The following ZP1 variants were observed in gnomAD, a reference collection of about 807,000 sequenced individuals.
ZP1 encodes the protein zona pellucida glycoprotein 1.
ZP1 carries 58 observed loss-of-function variants against 67.4 expected under a neutral mutation model. That is an observed-to-expected ratio of 0.86 (90% CI 0.70 to 1.07). The LOEUF is 1.07. Ranked by LOEUF, ZP1 falls within the 50% of genes least tolerant of loss-of-function variation. The pLI, the probability that ZP1 is intolerant of heterozygous loss-of-function variation, is 0.00. For missense variants in ZP1, 759 were observed against 807.3 expected (o/e 0.94, Z 0.72); for synonymous variants, 333 against 332.7 (o/e 1.00, Z -0.01).
intron 9 of ZP1, among the ~76,000 whole-genome samples, chr11:60,874,554 C>A (rs930922590): frequency 1.3e-5 from 2 of 152,192 alleles, no homozygotes; most frequent in Non-Finnish European, 2.9e-5. Context: ...TTGCTGTCTC[C>A]CTCAGTAGGG....
intron 1 of ZP1, among the ~76,000 whole-genome samples, chr11:60,868,766 C>G (rs774651350): frequency 2.0e-5 from 3 of 152,172 alleles, no homozygotes; most frequent in Non-Finnish European, 4.4e-5. Flanking sequence ...AGAAAGCTCA[C>G]GCACCCTCCC....
chr11:60,874,842 G>C, intron 9 of ZP1, 91 bp from the exon 10 acceptor site: 2 of 1,267,210 alleles, frequency 1.6e-6, no homozygotes, highest in South Asian at 1.3e-5. Flanking sequence ...GCCTAGACTT[G>C]GCCCAGCTCG....
At chr11:60,872,421 C>A (rs1474990685) in intron 6 of ZP1, among the ~76,000 whole-genome samples, 1 of 152,120 alleles carries the variant, frequency 6.6e-6, no homozygotes, top group Admixed American at 6.5e-5. Context: ...GCCTTCAGAA[C>A]AGGGGTGAGC....
chr11:60,872,517 C>T (rs1855592804), intron 6 of ZP1, among the ~76,000 whole-genome samples: 1 of 152,312 alleles, frequency 6.6e-6, no homozygotes, highest in Admixed American at 6.5e-5. Flanking sequence ...GGAGGAGTGG[C>T]CACCATGGCC....
chr11:60,872,003 T>C (rs970030038), intron 6 of ZP1, among the ~76,000 whole-genome samples: 1 of 152,182 alleles, frequency 6.6e-6, no homozygotes, highest in Non-Finnish European at 1.5e-5. Flanking sequence ...GCTGGGCATC[T>C]CCTTCCCCTT....
Position 60,869,977 on chromosome 11 carries a change from T to C in ZP1, c.682+77T>C, listed in dbSNP as rs918315535. On this transcript the variant is annotated intron_variant, in intron 3 of 11. Transcript: ENST00000278853. ...ACAGGGTGGCCTAACAGCCTTTTAC[T>C]GGGCTCTAAGCCATTTCTTTTTTTG... The C allele has an allele frequency of 2.0e-6, 3 of 1,464,488 alleles. No individual in the cohort carries two copies. The African/African-American group carries it at 4.2e-5, about 21-fold the overall frequency. The allele number at this position is 1,464,488 out of a possible 1,614,324, so 90.7% of individuals were successfully genotyped here. A position where few individuals can be genotyped will look rare whatever the true frequency, so the allele number is the denominator to read the frequency against.
At chr11:60,874,829 G>A in intron 9 of ZP1, 104 bp from the exon 10 acceptor site, 1 of 1,073,492 alleles carries the variant, frequency 9.3e-7, no homozygotes, top group Non-Finnish European at 1.4e-6. Flanking sequence ...CTGGCTAGCA[G>A]CAGCCTAGAC....
Position 60,871,298 on chromosome 11 carries a change from C to G in ZP1, c.1096C>G (p.Arg366Gly), listed in dbSNP as rs751351771. ...AAAGGGGCCACAGGGTTCCATCACG[C>G]GGGACAGCACCTTCCAGTAAGGGCA... ...IQKGPQGSIT[R>G]DSTFQLHVRC... The change falls in exon 6 of 12, where the codon CGG (arginine) becomes GGG (glycine). Residue 366 changes from arginine (R) to glycine (G), a missense_variant. By Grantham distance (125) the Arg-to-Gly change is moderately radical (BLOSUM62 -2). Coordinates refer to ENST00000278853, the MANE Select transcript of ZP1 (RefSeq NM_207341.4). 1 of 1,613,746 alleles carries G rather than the reference C, an allele frequency of 6.2e-7. No individual in the cohort carries two copies. Among genetic ancestry groups the G allele is most frequent in the Non-Finnish European group, 8.5e-7 (1 of 1,180,032 alleles).
chr11:60,869,369 T>C, intron 2 of ZP1, 103 bp downstream of exon 2: 2 of 1,543,994 alleles, frequency 1.3e-6, no homozygotes, highest in Non-Finnish European at 1.7e-6. Flanking sequence ...GCCGAAGATC[T>C]GTTGAGCTGG....
chr11:60,869,178 G>A lies in ZP1; in HGVS notation c.230G>A (p.Cys77Tyr), dbSNP rs1279246156. 2.5e-6 allele frequency: 4 copies of A among 1,614,030 alleles called. No individual in the cohort carries two copies. The highest frequency in any genetic ancestry group is 1.3e-5 in the African/African-American group (1 of 74,930). Reference protein sequence around the residue: ...EFGNRFDVNNCSICYHWVTSR... With the variant: ...EFGNRFDVNNYSICYHWVTSR... Reference sequence around the variant, plus strand: ...GGGAACCGATTTGATGTCAACAACTGCTCCATCTGCTACCACTGGGTCACC... The same window carrying A: ...GGGAACCGATTTGATGTCAACAACTACTCCATCTGCTACCACTGGGTCACC... Residue 77 changes from cysteine (C) to tyrosine (Y), a missense_variant, in exon 2 of 12, where the codon TGC becomes TAC. Transcript: ENST00000278853.
chr11:60,872,882 C>G, intron 6 of ZP1, among the ~76,000 whole-genome samples: 1 of 152,278 alleles, frequency 6.6e-6, no homozygotes, highest in Non-Finnish European at 1.5e-5. Flanking sequence ...TGCCAGCCCC[C>G]CGAGGGCCCA....
At position 60,873,293 on chromosome 11, in the gene ZP1, T is replaced by C. The variant is rs775559304; in HGVS notation, c.1240+4T>C. On this transcript the variant is annotated splice_donor_region_variant and intron_variant, in intron 7 of 11. Transcript: ENST00000278853. ...CTTGAGCTGCGGATTGCCAAAGGTA[T>C]GCTATGCTATCCCTGCTCTCTTCTG... 5.1e-6 allele frequency: 8 copies of C among 1,582,980 alleles called. No homozygotes were observed. Among genetic ancestry groups the C allele is most frequent in the African/African-American group, 2.7e-5 (2 of 74,528 alleles).
rs750637109 is a variant in ZP1, at chr11:60,870,387, C to T, written c.738C>T (p.Ile246=). ...TGGCCTCAGGGCACCTCCCCTGCAT[C>T]GTGAGAAGAACTTCAAAAGAAGCCT... ...CQVASGHLPC[I]VRRTSKEACQ... The change falls in exon 4 of 12, where the codon ATC becomes ATT. Residue 246 remains isoleucine (I), a synonymous_variant. Coordinates refer to ENST00000278853, the MANE Select transcript of ZP1 (RefSeq NM_207341.4). 1.2e-6 allele frequency: 2 copies of T among 1,613,196 alleles called. No homozygotes were observed. Among genetic ancestry groups the T allele is most frequent in the Non-Finnish European group, 1.7e-6 (2 of 1,179,750 alleles).
At chr11:60,870,922 C>A in intron 4 of ZP1, 35 bp from the exon 5 acceptor site, 1 of 1,589,442 alleles carries the variant, frequency 6.3e-7, no homozygotes, top group Non-Finnish European at 8.6e-7. Context: ...TGGATGGACA[C>A]CAAACCCCAA....
rs1249047966 is a variant in ZP1, at chr11:60,874,836, AGACTTGGCCCAGCTCGGG to A, written c.1573-94_1573-77del. On this transcript the variant is annotated intron_variant, in intron 9 of 11. Coordinates refer to ENST00000278853, the MANE Select transcript of ZP1 (RefSeq NM_207341.4). Reference sequence around the variant, plus strand: ...CTCCCTGCCTGGCTAGCAGCAGCCTAGACTTGGCCCAGCTCGGGGATTCCATGTCCTTCCCTTTGTGCT... The same window carrying A: ...CTCCCTGCCTGGCTAGCAGCAGCCTAGATTCCATGTCCTTCCCTTTGTGCT... 1.4e-5 allele frequency: 16 copies of A among 1,184,130 alleles called. No individual in the cohort carries two copies. In the African/African-American group the frequency reaches 2.2e-4, roughly 17 times the overall value. 73.4% of individuals were successfully genotyped at this position (1,184,130 alleles called of 1,614,324 possible). A position where few individuals can be genotyped will look rare whatever the true frequency, so the allele number is the denominator to read the frequency against.
intron 9 of ZP1, 82 bp downstream of exon 9, chr11:60,873,857 G>A (rs1590595386): frequency 6.4e-7 from 1 of 1,569,834 alleles, no homozygotes; most frequent in Non-Finnish European, 8.7e-7. Flanking sequence ...GGCACCCTGT[G>A]AACTTATATG....
At chr11:60,870,256 G>T in intron 3 of ZP1, 76 bp from the exon 4 acceptor site, 1 of 1,375,840 alleles carries the variant, frequency 7.3e-7, no homozygotes, top group Non-Finnish European at 9.5e-7. Context: ...TCTGGAGCAG[G>T]TTCCCAAGAT....
rs1040748419 is a variant in ZP1 at position 60,869,143 on chromosome 11, A to C, written c.197-2A>C. The stretch of plus-strand genomic sequence containing the variant: ...CTGGCCCCTCCCCTTCCCCCACTGC[A>C]GATGAATTTGGGAACCGATTTGATG... On this transcript the variant is annotated splice_acceptor_variant, in intron 1 of 11. Transcript: ENST00000278853. LOFTEE classifies it high-confidence loss of function. 2 of 1,614,022 alleles carry C rather than the reference A, an allele frequency of 1.2e-6. No homozygotes were observed. Among genetic ancestry groups the C allele is most frequent in the African/African-American group, 2.7e-5 (2 of 74,912 alleles).
chr11:60,874,983 T>C lies in ZP1; in HGVS notation c.1623T>C (p.Thr541=). ...CCTGCCACACCTCAGGGCTGGAGACTTGCTCCACTGCATGTAGCACTGGCA... is the reference window on the plus strand; with the variant it reads ...CCTGCCACACCTCAGGGCTGGAGACCTGCTCCACTGCATGTAGCACTGGCA... The part of the protein sequence containing the change: ...TSACHTSGLE[T]CSTACSTGTT... Residue 541 remains threonine, a synonymous_variant, in exon 10 of 12, where the codon ACT becomes ACC. Coordinates refer to ENST00000278853, the MANE Select transcript of ZP1 (RefSeq NM_207341.4). 1.2e-6 allele frequency: 2 copies of C among 1,614,250 alleles called. No homozygotes were observed. Among genetic ancestry groups the C allele is most frequent in the East Asian group, 2.2e-5 (1 of 44,890 alleles).
Sources: allele counts gnomAD v4.1 joint callset (sites outside exome capture counted in the v4.1 genomes callset), GRCh38; gene constraint gnomAD v4.1.1; transcripts MANE v1.5; gene names NCBI Gene and HGNC (gene_info 2026-07-23, HGNC 2026-07-21).